CMSS1: variants seen among roughly 807,000 people sequenced by gnomAD.
The protein encoded by CMSS1 is protein CMSS1.
Under a neutral mutation model 43.5 loss-of-function variants are expected in CMSS1, and 33 were observed. The ratio of observed to expected loss-of-function variants is 0.76; its 90% confidence interval spans 0.57 to 1.01. CMSS1 has a LOEUF of 1.01. Among genes scored for constraint, CMSS1 ranks in the 50% least tolerant of loss-of-function variants. CMSS1 has a pLI of 0.00. For missense variants in CMSS1, 313 were observed against 326.4 expected (o/e 0.96, Z 0.32); for synonymous variants, 115 against 117.2 (o/e 0.98, Z 0.12).
intron 1 of CMSS1, among the ~76,000 whole-genome samples, chr3:99,881,177 A>C (rs1705713900): frequency 6.6e-6 from 1 of 152,226 alleles, no homozygotes; most frequent in South Asian, 2.1e-4. Context: ...TCTAGTGAGC[A>C]TACTAGTAGG....
intron 1 of CMSS1, among the ~76,000 whole-genome samples, chr3:100,021,960 T>TGTGAGAGAGA (rs1321185364): frequency 1.4e-4 from 13 of 93,326 alleles, no homozygotes; most frequent in African/African-American, 3.6e-4. Context: ...TGTGTGTGTG[T>TGTGAGAGAGA]GAGAGAGAGA....
At chr3:99,902,217 CA>C (rs1425239285) in intron 1 of CMSS1, among the ~76,000 whole-genome samples, 1 of 152,142 alleles carries the variant, frequency 6.6e-6, no homozygotes. Flanking sequence ...TACCATGTGA[CA>C]TTTTTTTGAG....
intron 1 of CMSS1, among the ~76,000 whole-genome samples, chr3:99,838,775 A>G (rs1943002264): frequency 6.6e-6 from 1 of 152,162 alleles, no homozygotes; most frequent in Non-Finnish European, 1.5e-5. Context: ...ACTTATCCCT[A>G]AAGTTGTCAT....
chr3:99,995,409 C>T (rs1014582959), intron 1 of CMSS1, among the ~76,000 whole-genome samples: 3 of 152,182 alleles, frequency 2.0e-5, no homozygotes, highest in Non-Finnish European at 1.5e-5. Context: ...TACAGCCTCC[C>T]TCCCAGCTGC....
intron 1 of CMSS1, among the ~76,000 whole-genome samples, chr3:99,963,418 T>C (rs1221554237): frequency 3.3e-5 from 5 of 152,090 alleles, no homozygotes; most frequent in Non-Finnish European, 4.4e-5. Context: ...TGGGCTGTTA[T>C]ATAAGGATAT....
chr3:99,917,967 T>C (rs1184321463), intron 1 of CMSS1, among the ~76,000 whole-genome samples: 1 of 151,938 alleles, frequency 6.6e-6, no homozygotes, highest in Non-Finnish European at 1.5e-5. Context: ...GTTTGTTTGT[T>C]TTTTGTTTTG....
chr3:99,974,232 A>G (rs1708903174), intron 1 of CMSS1, among the ~76,000 whole-genome samples: 1 of 152,230 alleles, frequency 6.6e-6, no homozygotes, highest in Non-Finnish European at 1.5e-5. Flanking sequence ...TTTTTATCTT[A>G]GCTGAATAGG....
chr3:100,128,704 C>T (rs1044102913), intron 1 of CMSS1, among the ~76,000 whole-genome samples: 1 of 152,280 alleles, frequency 6.6e-6, no homozygotes, highest in South Asian at 2.1e-4. Flanking sequence ...TGACTTCTAT[C>T]GGCATATGTT....
rs1395043029 is a variant in CMSS1, at chr3:100,150,388, A to T, written c.153+3327A>T. On this transcript the variant is annotated intron_variant, in intron 2 of 9. Coordinates refer to ENST00000421999, the MANE Select transcript of CMSS1 (RefSeq NM_032359.4). ...ATATTTAAATTTTAGATTTGTTTCA[A>T]CTTTGCTTAAGACTGTACTATTCCT... Among the ~76,000 whole-genome samples the T allele has an allele frequency of 3.9e-5, 6 of 152,290 alleles. No individual in the cohort carries two copies. The South Asian group carries it at 6.2e-4, about 16-fold the overall frequency.
rs1372879136 is a variant in CMSS1 at position 100,176,123 on chromosome 3, A to G, written c.668-204A>G. On this transcript the variant is annotated intron_variant, in intron 8 of 9. Transcript: ENST00000421999. ...CAGTTTCTCTGCTTTCCTCAGGAGG[A>G]GTGATGAGATGATAAGAAGAGCAAG... The G allele has an allele frequency of 6.5e-6, 3 of 459,950 alleles. No homozygotes were observed. In the East Asian group the frequency reaches 1.1e-4, roughly 17 times the overall value. The allele number at this position is 459,950 out of a possible 1,614,324, so 28.5% of individuals were successfully genotyped here.
intron 1 of CMSS1, chr3:99,833,302 A>G (rs1177042425): frequency 6.5e-7 from 1 of 1,545,224 alleles, no homozygotes; most frequent in Admixed American, 1.8e-5. Flanking sequence ...TTTGTGGAAT[A>G]TATTAAATTC....
intron 1 of CMSS1, among the ~76,000 whole-genome samples, chr3:100,016,294 G>A (rs938770184): frequency 6.6e-6 from 1 of 152,196 alleles, no homozygotes; most frequent in African/African-American, 2.4e-5. Flanking sequence ...CTGGGTTCAA[G>A]TGATTCTCCT....
At chr3:99,919,331 G>T in intron 1 of CMSS1, among the ~76,000 whole-genome samples, 1 of 151,060 alleles carries the variant, frequency 6.6e-6, no homozygotes, top group East Asian at 1.9e-4. Flanking sequence ...AGGTCTTAAA[G>T]CCTGCAGTGG....
chr3:99,957,693 C>CTT lies in CMSS1; in HGVS notation c.64+139677_64+139678dup, dbSNP rs779350496. On this transcript the variant is annotated intron_variant, in intron 1 of 9. Coordinates refer to ENST00000421999, the MANE Select transcript of CMSS1 (RefSeq NM_032359.4). ...TTCTCCTTTTCTCTTTTCTTTCTTTCTTTTTTTTTTTTTTTTTTTTTTTTT... is the reference window on the plus strand; with the variant it reads ...TTCTCCTTTTCTCTTTTCTTTCTTTCTTTTTTTTTTTTTTTTTTTTTTTTTTT... Among the ~76,000 whole-genome samples the CTT allele has an allele frequency of 1.1e-3, 21 of 19,900 alleles. 1 individual carries two copies. The highest frequency in any genetic ancestry group is 3.4e-3 in the South Asian group (1 of 290). 13.1% of individuals were successfully genotyped at this position (19,900 alleles called of 152,430 possible). A position where few individuals can be genotyped will look rare whatever the true frequency, so the allele number is the denominator to read the frequency against.
chr3:100,137,933 C>T (rs2066769948), intron 1 of CMSS1, among the ~76,000 whole-genome samples: 2 of 152,074 alleles, frequency 1.3e-5, no homozygotes, highest in East Asian at 1.9e-4. Flanking sequence ...CAATTAGAAA[C>T]TATATACTCA....
chr3:100,088,314 G>C (rs2066047677), intron 1 of CMSS1, among the ~76,000 whole-genome samples: 1 of 152,024 alleles, frequency 6.6e-6, no homozygotes, highest in Non-Finnish European at 1.5e-5. Flanking sequence ...AGTTAATATA[G>C]GTTTTCAGTG....
intron 1 of CMSS1, among the ~76,000 whole-genome samples, chr3:100,052,678 T>A (rs190069235): frequency 9.1e-4 from 139 of 152,340 alleles, no homozygotes; most frequent in African/African-American, 3.2e-3. Context: ...TGTTTCTTTC[T>A]ATAACCACAT....
intron 1 of CMSS1, among the ~76,000 whole-genome samples, chr3:99,838,561 A>G (rs931146023): frequency 1.1e-4 from 17 of 152,174 alleles, no homozygotes; most frequent in African/African-American, 3.9e-4. Context: ...ACAAGGAGGT[A>G]ACATTAGACA....
At chr3:99,915,285 C>T (rs1301630268) in intron 1 of CMSS1, among the ~76,000 whole-genome samples, 1 of 152,174 alleles carries the variant, frequency 6.6e-6, no homozygotes, top group Non-Finnish European at 1.5e-5. Flanking sequence ...ACATTTCATT[C>T]ACTCATTCAA....
Sources: gnomAD v4.1 joint callset for allele counts (sites outside exome capture counted in the v4.1 genomes callset) on GRCh38, gnomAD v4.1.1 for gene constraint, MANE v1.5 for transcripts, NCBI Gene and HGNC (gene_info 2026-07-23, HGNC 2026-07-21) for gene names.